SCARA5: variants seen among roughly 807,000 people sequenced by gnomAD.
SCARA5 encodes the protein scavenger receptor class A member 5.
Under a neutral mutation model 46.3 loss-of-function variants are expected in SCARA5, and 45 were observed. The observed-to-expected ratio is 0.97, with a 90% CI of 0.76 to 1.24. The LOEUF (loss-of-function observed/expected upper bound fraction) is 1.24, where lower values mean the gene tolerates loss of function less well. Ranked by LOEUF, SCARA5 falls within the 50% of genes most tolerant of loss-of-function variation. SCARA5 has a pLI of 0.00. For missense variants in SCARA5, 680 were observed against 689.0 expected, an observed-to-expected ratio of 0.99 and a Z score of 0.15; for synonymous variants, 333 against 306.5, an observed-to-expected ratio of 1.09 and a Z score of -0.90.
At chr8:27,930,045 C>A (rs192213230) in intron 3 of SCARA5, among the ~76,000 whole-genome samples, 5 of 152,276 alleles carry the variant, frequency 3.3e-5, no homozygotes, top group South Asian at 2.1e-4. Flanking sequence ...TGGTCCCCCC[C>A]AGTCCTGCAG....
intron 7 of SCARA5, among the ~76,000 whole-genome samples, chr8:27,900,448 C>T (rs1010770784): frequency 1.3e-5 from 2 of 152,282 alleles, no homozygotes; most frequent in South Asian, 2.1e-4. Context: ...CAGCTCCCCT[C>T]GTCCCCAGAC....
chr8:27,950,498 A>T (rs1808107689), intron 3 of SCARA5, among the ~76,000 whole-genome samples: 1 of 152,036 alleles, frequency 6.6e-6, no homozygotes, highest in Admixed American at 6.5e-5. Context: ...TCTGGCCAGC[A>T]CCGTGGTTTC....
intron 8 of SCARA5, among the ~76,000 whole-genome samples, chr8:27,875,487 A>G (rs1806710115): frequency 6.6e-6 from 1 of 152,170 alleles, no homozygotes; most frequent in South Asian, 2.1e-4. Context: ...CCCTCAGGAA[A>G]GATCATTGAG....
intron 4 of SCARA5, among the ~76,000 whole-genome samples, chr8:27,914,549 C>T (rs950273634): frequency 3.9e-5 from 6 of 152,376 alleles, no homozygotes; most frequent in South Asian, 4.1e-4. Context: ...GCCTTGCACA[C>T]ACCCAGCAAA....
rs747752573 is a variant in SCARA5 at position 27,918,822 on chromosome 8, AT to A, written c.916+2748del. ...GAGGAGGAGGAGGGGAAGGAAAAGGATAAGGAAGAAAGGGAAGAGGAGAGAG... is the reference window on the plus strand; with the variant it reads ...GAGGAGGAGGAGGGGAAGGAAAAGGAAAGGAAGAAAGGGAAGAGGAGAGAG... On this transcript the variant is annotated intron_variant, in intron 4 of 8. Coordinates refer to ENST00000354914, the MANE Select transcript of SCARA5 (RefSeq NM_173833.6). Among the ~76,000 whole-genome samples, 209 of 149,852 alleles carry A rather than the reference AT, an allele frequency of 1.4e-3. 3 individuals are homozygous for A. Among genetic ancestry groups the A allele is most frequent in the Non-Finnish European group, 2.0e-3 (137 of 67,272 alleles).
intron 1 of SCARA5, among the ~76,000 whole-genome samples, 180 bp downstream of exon 1, chr8:27,992,077 G>T (rs1002674226): frequency 6.6e-6 from 1 of 152,120 alleles, no homozygotes; most frequent in African/African-American, 2.4e-5. Flanking sequence ...ATGAGGGCCC[G>T]GCAGATATCT....
rs7827719 is a variant in SCARA5 at position 27,899,873 on chromosome 8, C to T, written c.1153+4905G>A. Reference sequence around the variant, plus strand: ...ACTTGGGTCAGCTGGCACGGTGGCTCATGCCTGTAATCCCAGTACTTTGAG... The same window carrying T: ...ACTTGGGTCAGCTGGCACGGTGGCTTATGCCTGTAATCCCAGTACTTTGAG... On this transcript the variant is annotated intron_variant, in intron 7 of 8. Transcript: ENST00000354914. Among the ~76,000 whole-genome samples, 570 of 152,336 alleles carry T rather than the reference C, an allele frequency of 3.7e-3. 5 individuals are homozygous for T. Among genetic ancestry groups the T allele is most frequent in the African/African-American group, 0.013 (558 of 41,574 alleles).
intron 3 of SCARA5, among the ~76,000 whole-genome samples, chr8:27,947,489 CAGAT>C (rs1299169813): frequency 4.6e-5 from 7 of 151,950 alleles, no homozygotes; most frequent in African/African-American, 9.7e-5. Flanking sequence ...TGTCCACTGA[CAGAT>C]GGATGGATAA....
intron 2 of SCARA5, among the ~76,000 whole-genome samples, chr8:27,976,349 T>C (rs536290584): frequency 1.1e-4 from 16 of 152,330 alleles, no homozygotes; most frequent in Non-Finnish European, 2.1e-4. Context: ...CTCAGGGTTC[T>C]GCCTAATTTC....
intron 2 of SCARA5, among the ~76,000 whole-genome samples, chr8:27,967,710 C>T (rs975251472): frequency 1.3e-5 from 2 of 152,048 alleles, no homozygotes; most frequent in South Asian, 2.1e-4. Context: ...GTCAGGAATT[C>T]GACACCAGCC....
At chr8:27,935,251 C>T (rs951934098) in intron 3 of SCARA5, among the ~76,000 whole-genome samples, 4 of 152,106 alleles carry the variant, frequency 2.6e-5, no homozygotes, top group Non-Finnish European at 5.9e-5. Context: ...AACAGGTATC[C>T]AAAGCTTGGC....
chr8:27,934,696 C>T (rs1807827562), intron 3 of SCARA5, among the ~76,000 whole-genome samples: 1 of 152,206 alleles, frequency 6.6e-6, no homozygotes, highest in Non-Finnish European at 1.5e-5. Flanking sequence ...ATTAACCACT[C>T]TTCAGTTAAT....
chr8:27,878,636 A>G (rs907302758), intron 8 of SCARA5, among the ~76,000 whole-genome samples: 2 of 152,228 alleles, frequency 1.3e-5, no homozygotes, highest in Non-Finnish European at 2.9e-5. Flanking sequence ...ATTAATCTGG[A>G]GAAGAAAAGA....
chr8:27,908,333 C>T (rs1344135206), intron 5 of SCARA5, among the ~76,000 whole-genome samples: 2 of 150,644 alleles, frequency 1.3e-5, no homozygotes, highest in Non-Finnish European at 3.0e-5. Context: ...CCTTGGCCAC[C>T]TCCTGCGGTG....
intron 2 of SCARA5, among the ~76,000 whole-genome samples, chr8:27,985,021 C>T (rs1304499717): frequency 6.6e-6 from 1 of 152,160 alleles, no homozygotes; most frequent in Admixed American, 6.5e-5. Flanking sequence ...TCCATTCATT[C>T]AAAAAATGCC....
intron 3 of SCARA5, among the ~76,000 whole-genome samples, chr8:27,935,783 T>G (rs890180293): frequency 9.2e-5 from 14 of 152,016 alleles, no homozygotes; most frequent in African/African-American, 3.4e-4. Context: ...GCAGGGTAAG[T>G]GGGTCATTCA....
chr8:27,961,772 T>A (rs1808298325), intron 3 of SCARA5, among the ~76,000 whole-genome samples: 1 of 152,214 alleles, frequency 6.6e-6, no homozygotes, highest in Non-Finnish European at 1.5e-5. Flanking sequence ...GGTAGATGTG[T>A]TAATATAATC....
At chr8:27,959,750 T>A (rs1808265214) in intron 3 of SCARA5, among the ~76,000 whole-genome samples, 1 of 152,256 alleles carries the variant, frequency 6.6e-6, no homozygotes, top group Non-Finnish European at 1.5e-5. Flanking sequence ...AAGGGGTTTC[T>A]GTGACTCGCA....
chr8:27,912,509 A>G (rs995280614), intron 4 of SCARA5, among the ~76,000 whole-genome samples: 5 of 152,238 alleles, frequency 3.3e-5, no homozygotes, highest in Non-Finnish European at 7.3e-5. Flanking sequence ...CAGACCAAAG[A>G]TGGCACAGAA....
Sources: allele counts gnomAD v4.1 joint callset (sites outside exome capture counted in the v4.1 genomes callset), GRCh38; gene constraint gnomAD v4.1.1; transcripts MANE v1.5; gene names NCBI Gene and HGNC (gene_info 2026-07-23, HGNC 2026-07-21).